MLIP: variants seen among roughly 807,000 people sequenced by gnomAD.
MLIP encodes muscular LMNA-interacting protein.
A neutral mutation model predicts 84.8 loss-of-function variants in MLIP; 79 were observed. That is an observed-to-expected ratio of 0.93 (90% confidence interval 0.78 to 1.12). The LOEUF (loss-of-function observed/expected upper bound fraction) is 1.12, where lower values mean the gene tolerates loss of function less well. MLIP is among the 50% of genes most tolerant of loss of function. MLIP has a pLI of 0.00. For synonymous variants in MLIP, 504 were observed against 463.0 expected (o/e 1.09, Z -1.14); for missense variants, 1,257 against 1,160.6 (o/e 1.08, Z -1.21).
chr6:54,250,082 T>G (rs537673104), intron 12 of MLIP, among the ~76,000 whole-genome samples: 12 of 152,126 alleles, frequency 7.9e-5, no homozygotes, highest in Non-Finnish European at 1.3e-4. Context: ...TCACTAAGGA[T>G]GATGCGTCCA....
At chr6:54,149,637 T>C (rs1461161614) in intron 5 of MLIP, among the ~76,000 whole-genome samples, 1 of 152,132 alleles carries the variant, frequency 6.6e-6, no homozygotes, top group African/African-American at 2.4e-5. Context: ...GATTCCATTG[T>C]GGACTAAACC....
chr6:54,174,944 T>C (rs1413578017), intron 9 of MLIP, among the ~76,000 whole-genome samples: 1 of 151,802 alleles, frequency 6.6e-6, no homozygotes, highest in African/African-American at 2.4e-5. Flanking sequence ...ATATAGGGGG[T>C]CTAGTTTTAT....
intron 12 of MLIP, among the ~76,000 whole-genome samples, chr6:54,231,894 T>C (rs1397159809): frequency 6.6e-6 from 1 of 152,130 alleles, no homozygotes; most frequent in African/African-American, 2.4e-5. Context: ...CAAACAGTCA[T>C]CTAAAAGCAA....
chr6:54,043,813 A>T (rs1764883378), intron 1 of MLIP, among the ~76,000 whole-genome samples: 1 of 152,188 alleles, frequency 6.6e-6, no homozygotes, highest in Non-Finnish European at 1.5e-5. Flanking sequence ...CAGGTGACCA[A>T]AATGCTGAAA....
At chr6:54,213,734 A>AAAAAAAAAAAAAAAAAAC (rs368508685) in intron 11 of MLIP, among the ~76,000 whole-genome samples, 1 of 82,370 alleles carries the variant, frequency 1.2e-5, no homozygotes, top group Non-Finnish European at 2.4e-5. Context: ...AAAAAAAAAA[A>AAAAAAAAAAAAAAAAAAC]AACAACAAAC....
rs9474716 is a variant in MLIP at position 54,052,018 on chromosome 6, T to C, written c.63+32927T>C. Among the ~76,000 whole-genome samples, 215 of 152,232 alleles carry C rather than the reference T, an allele frequency of 1.4e-3. 1 individual carries two copies. The highest frequency in any genetic ancestry group is 4.9e-3 in the African/African-American group (205 of 41,574). ...AAAATGATGTAATCAGTGTCTGATT[T>C]TCTCCATCTTACTGCTGCTCTGCTT... On this transcript the variant is annotated intron_variant, in intron 1 of 12. Coordinates refer to the MLIP transcript ENST00000274897.
At chr6:54,055,975 T>A (rs1342415495) in intron 1 of MLIP, among the ~76,000 whole-genome samples, 1 of 152,208 alleles carries the variant, frequency 6.6e-6, no homozygotes, top group Admixed American at 6.5e-5. Flanking sequence ...ACCAGGTAAA[T>A]GGTTGTTGCA....
At chr6:54,031,145 T>C (rs1764109762) in intron 1 of MLIP, among the ~76,000 whole-genome samples, 1 of 152,128 alleles carries the variant, frequency 6.6e-6, no homozygotes, top group South Asian at 2.1e-4. Flanking sequence ...ACAACCCAAA[T>C]AAAGGCAACA....
At chr6:54,173,058 C>A (rs1775930982) in intron 9 of MLIP, among the ~76,000 whole-genome samples, 1 of 151,570 alleles carries the variant, frequency 6.6e-6, no homozygotes, top group African/African-American at 2.4e-5. Context: ...ATGCTGAATT[C>A]AACAATAATA....
chr6:54,118,056 A>C (rs1199562384), intron 1 of MLIP, among the ~76,000 whole-genome samples: 1 of 152,232 alleles, frequency 6.6e-6, no homozygotes, highest in Non-Finnish European at 1.5e-5. Context: ...TACTGTGTTC[A>C]TGAATTGGAA....
chr6:54,076,619 G>C (rs572102942), intron 1 of MLIP, among the ~76,000 whole-genome samples: 8 of 152,358 alleles, frequency 5.3e-5, no homozygotes, highest in Non-Finnish European at 1.2e-4. Context: ...TGGACAGGGA[G>C]AGTAGCCTAA....
intron 5 of MLIP, among the ~76,000 whole-genome samples, chr6:54,150,282 C>T (rs1004113625): frequency 6.6e-6 from 1 of 152,198 alleles, no homozygotes; most frequent in Non-Finnish European, 1.5e-5. Context: ...GCAGGAAAAT[C>T]TGCAGCTTTT....
intron 11 of MLIP, among the ~76,000 whole-genome samples, chr6:54,229,869 G>A (rs963110613): frequency 1.3e-5 from 2 of 151,902 alleles, no homozygotes; most frequent in South Asian, 4.1e-4. Flanking sequence ...ATACATATTT[G>A]TATTTGCTTG....
At chr6:54,084,390 T>C (rs1767355486) in intron 1 of MLIP, among the ~76,000 whole-genome samples, 1 of 152,206 alleles carries the variant, frequency 6.6e-6, no homozygotes, top group South Asian at 2.1e-4. Context: ...AAGCCTACGA[T>C]GATGGAATAA....
chr6:54,138,987 C>T (rs564323911), intron 4 of MLIP, among the ~76,000 whole-genome samples: 1 of 152,280 alleles, frequency 6.6e-6, no homozygotes, highest in African/African-American at 2.4e-5. Flanking sequence ...GAGTATGTTT[C>T]ACTGTCACTT....
intron 1 of MLIP, among the ~76,000 whole-genome samples, chr6:54,070,596 AT>A (rs1278273813): frequency 5.9e-5 from 9 of 151,962 alleles, no homozygotes; most frequent in East Asian, 3.9e-4. Flanking sequence ...GTATCCTGGG[AT>A]TTTTTTTGGT....
At chr6:54,125,635 CGAA>C (rs1561956188) in intron 3 of MLIP, among the ~76,000 whole-genome samples, 1 of 152,084 alleles carries the variant, frequency 6.6e-6, no homozygotes, top group Non-Finnish European at 1.5e-5. Context: ...AGGTGACTGA[CGAA>C]GTGTAGTTAG....
At chr6:54,141,683 A>G (rs1772328111) in intron 4 of MLIP, among the ~76,000 whole-genome samples, 1 of 152,090 alleles carries the variant, frequency 6.6e-6, no homozygotes, top group Non-Finnish European at 1.5e-5. Context: ...AAATTCACCC[A>G]TGGAGTTGTG....
At chr6:54,169,771 T>C (rs1775583545) in intron 9 of MLIP, among the ~76,000 whole-genome samples, 199 bp downstream of exon 9, 1 of 151,704 alleles carries the variant, frequency 6.6e-6, no homozygotes, top group Non-Finnish European at 1.5e-5. Context: ...AATAAATTTG[T>C]CCTTAAGTGA....
Sources: gnomAD v4.1 joint callset for allele counts (sites outside exome capture counted in the v4.1 genomes callset) on GRCh38, gnomAD v4.1.1 for gene constraint, MANE v1.5 for transcripts, NCBI Gene and HGNC (gene_info 2026-07-23, HGNC 2026-07-21) for gene names.